Variants in LUZP2 observed in about 807,000 individuals in gnomAD.
LUZP2 encodes leucine zipper protein 2.
In LUZP2, 52 loss-of-function variants were observed where a neutral mutation model predicts 51.6. The ratio of observed to expected loss-of-function variants is 1.01; its 90% CI spans 0.81 to 1.27. The LOEUF (loss-of-function observed/expected upper bound fraction) is 1.27. LUZP2 is among the 50% of genes most tolerant of loss of function. LUZP2 has a pLI of 0.00. For synonymous variants in LUZP2, 154 were observed against 137.3 expected, an observed-to-expected ratio of 1.12 and a Z score of -0.85; for missense variants, 436 against 395.4, an observed-to-expected ratio of 1.10 and a Z score of -0.87.
intron 5 of LUZP2, among the ~76,000 whole-genome samples, chr11:24,773,222 C>A (rs1228839456): frequency 6.6e-6 from 1 of 151,698 alleles, no homozygotes; most frequent in African/African-American, 2.4e-5. Context: ...TACTTAATTC[C>A]AATATTGTCC....
intron 1 of LUZP2, among the ~76,000 whole-genome samples, chr11:24,582,466 G>A (rs1238879589): frequency 1.3e-5 from 2 of 151,832 alleles, no homozygotes; most frequent in South Asian, 2.1e-4. Flanking sequence ...AAATTTAAAC[G>A]TAAGATTTTC....
At chr11:24,674,895 C>T (rs1856497867) in intron 1 of LUZP2, among the ~76,000 whole-genome samples, 1 of 152,136 alleles carries the variant, frequency 6.6e-6, no homozygotes, top group Admixed American at 6.6e-5. Flanking sequence ...AGATAGTCTT[C>T]CCTTTTTCCC....
At chr11:25,020,731 T>G (rs1235933728) in intron 9 of LUZP2, among the ~76,000 whole-genome samples, 1 of 152,094 alleles carries the variant, frequency 6.6e-6, no homozygotes, top group Non-Finnish European at 1.5e-5. Context: ...TGATGCCTTT[T>G]ACATTTCTTT....
At chr11:24,993,125 T>C (rs978597358) in intron 9 of LUZP2, among the ~76,000 whole-genome samples, 1 of 152,138 alleles carries the variant, frequency 6.6e-6, no homozygotes, top group African/African-American at 2.4e-5. Context: ...ATTAGAAACA[T>C]GGTAAATTGT....
intron 9 of LUZP2, among the ~76,000 whole-genome samples, chr11:25,038,912 A>G (rs750349391): frequency 6.6e-6 from 1 of 152,130 alleles, no homozygotes; most frequent in Admixed American, 6.6e-5. Flanking sequence ...AGAATTAGTA[A>G]AGTGATTTTT....
chr11:25,050,240 C>T (rs1332965105), intron 10 of LUZP2, 110 bp downstream of exon 10: 2 of 327,312 alleles, frequency 6.1e-6, no homozygotes, highest in African/African-American at 2.2e-5. Flanking sequence ...GTAATATCTA[C>T]TATCTAAGGA....
intron 4 of LUZP2, among the ~76,000 whole-genome samples, chr11:24,742,322 T>G (rs1859212703): frequency 6.6e-6 from 1 of 151,784 alleles, no homozygotes; most frequent in Admixed American, 6.6e-5. Flanking sequence ...CCACCAGCAG[T>G]GCGAAAGTGT....
In LUZP2 at chr11:24,916,643, G is replaced by T. The variant is rs1254500214; in HGVS notation, c.522+2105G>T. 4.6e-5 allele frequency among the ~76,000 whole-genome samples: 7 copies of T among 152,082 alleles called. 1 individual carries two copies. Among genetic ancestry groups the T allele is most frequent in the South Asian group, 4.1e-4 (2 of 4,826 alleles). On this transcript the variant is annotated intron_variant, in intron 7 of 11. Coordinates refer to ENST00000336930, the MANE Select transcript of LUZP2 (RefSeq NM_001009909.4). Reference sequence around the variant, plus strand: ...AATGATAGTTTCCAGCTTCATCCATGTCCCTACAAAGGACATGAACTCATC... The same window carrying T: ...AATGATAGTTTCCAGCTTCATCCATTTCCCTACAAAGGACATGAACTCATC...
In LUZP2 at chr11:25,077,367, C is replaced by T; in HGVS notation, c.897C>T (p.Pro299=). ...GTTCCATGAAGCACAAAGAAAGTCCCCCAAGTAATGCCACTGCAGAAACCG... is the reference window on the plus strand; with the variant it reads ...GTTCCATGAAGCACAAAGAAAGTCCTCCAAGTAATGCCACTGCAGAAACCG... ...RPCSMKHKES[P]PSNATAETEP... Residue 299 remains proline (P), a synonymous_variant, in exon 11 of 12, where the codon CCC becomes CCT. Transcript: ENST00000336930. 1.1e-5 allele frequency: 17 copies of T among 1,613,124 alleles called. No individual in the cohort carries two copies. Among genetic ancestry groups the T allele is most frequent in the Non-Finnish European group, 1.4e-5 (17 of 1,179,396 alleles).
chr11:25,010,512 C>T (rs762407583), intron 9 of LUZP2, among the ~76,000 whole-genome samples: 4 of 151,978 alleles, frequency 2.6e-5, no homozygotes, highest in Non-Finnish European at 4.4e-5. Context: ...CACACCAATG[C>T]ACTCCAACCT....
chr11:24,977,540 T>C (rs1855912480), intron 8 of LUZP2, among the ~76,000 whole-genome samples: 1 of 151,632 alleles, frequency 6.6e-6, no homozygotes, highest in Non-Finnish European at 1.5e-5. Flanking sequence ...AAATATTTTA[T>C]CCTCCAATAA....
rs369691434 is a variant in LUZP2 at position 25,032,658 on chromosome 11, C to T, written c.766-17380C>T. Among the ~76,000 whole-genome samples, 106 of 152,056 alleles carry T rather than the reference C, an allele frequency of 7.0e-4. 1 individual carries two copies. The highest frequency in any genetic ancestry group is 3.4e-3 in the Middle Eastern group (1 of 294). On this transcript the variant is annotated intron_variant, in intron 9 of 11. Transcript: ENST00000336930. The stretch of plus-strand genomic sequence containing the variant: ...TGAAGGGAAAGGTGATTGCTCTGGG[C>T]AAATAGCATTGATAAAATTCATGAT...
intron 9 of LUZP2, among the ~76,000 whole-genome samples, chr11:25,034,581 T>A (rs980272736): frequency 2.0e-5 from 3 of 152,152 alleles, no homozygotes; most frequent in African/African-American, 7.2e-5. Flanking sequence ...CCATTTTGTA[T>A]ATTGTGAATT....
intron 7 of LUZP2, among the ~76,000 whole-genome samples, chr11:24,951,454 A>G (rs1439171391): frequency 6.6e-6 from 1 of 151,494 alleles, no homozygotes; most frequent in Non-Finnish European, 1.5e-5. Flanking sequence ...CTTTTAAGTT[A>G]TATTTTACGA....
At chr11:24,549,157 A>G (rs1265854309) in intron 1 of LUZP2, among the ~76,000 whole-genome samples, 1 of 152,028 alleles carries the variant, frequency 6.6e-6, no homozygotes, top group Non-Finnish European at 1.5e-5. Context: ...GAAATTTTTT[A>G]TATCCCTTAT....
chr11:24,936,583 CT>C (rs1854594459), intron 7 of LUZP2, among the ~76,000 whole-genome samples: 1 of 151,756 alleles, frequency 6.6e-6, no homozygotes, highest in African/African-American at 2.4e-5. Context: ...GGAGAAGCCC[CT>C]CTCATTCCTG....
At chr11:24,601,271 AT>A (rs1853625872) in intron 1 of LUZP2, among the ~76,000 whole-genome samples, 1 of 152,000 alleles carries the variant, frequency 6.6e-6, no homozygotes, top group African/African-American at 2.4e-5. Context: ...ACTCTTATTA[AT>A]TTATTATTGT....
chr11:24,770,078 G>A (rs114070184), intron 5 of LUZP2, among the ~76,000 whole-genome samples: 3,647 of 152,258 alleles, frequency 0.024, 164 homozygotes, highest in African/African-American at 0.083. Flanking sequence ...ACAGGCGTGA[G>A]CCACTGCACC....
At chr11:24,758,081 A>G (rs1859839951) in intron 4 of LUZP2, among the ~76,000 whole-genome samples, 1 of 152,158 alleles carries the variant, frequency 6.6e-6, no homozygotes, top group Admixed American at 6.5e-5. Context: ...ATTGCAAATC[A>G]ATTCATAACA....
Sources: allele counts gnomAD v4.1 joint callset (sites outside exome capture counted in the v4.1 genomes callset), GRCh38; gene constraint gnomAD v4.1.1; transcripts MANE v1.5; gene names NCBI Gene and HGNC (gene_info 2026-07-23, HGNC 2026-07-21).